Variants in NFE2L2 observed in about 807,000 individuals in gnomAD.
The protein encoded by NFE2L2 is NFE2 like bZIP transcription factor 2, also known as nuclear factor erythroid 2-related factor 2.
In NFE2L2, 20 loss-of-function variants were observed where a neutral mutation model predicts 49.6. The observed-to-expected ratio is 0.40, with a 90% CI of 0.28 to 0.59. The LOEUF (loss-of-function observed/expected upper bound fraction) is 0.59, where lower values mean the gene tolerates loss of function less well. NFE2L2 is among the 20% of genes least tolerant of loss of function. The probability of loss-of-function intolerance (pLI) is 0.40; values close to 1 mark genes in which losing one functional copy is unlikely to be tolerated. For missense variants in NFE2L2, 578 were observed against 714.2 expected (o/e 0.81, Z 2.17); for synonymous variants, 244 against 256.5 (o/e 0.95, Z 0.47).
intron 1 of NFE2L2, among the ~76,000 whole-genome samples, chr2:177,262,362 A>G (rs1468749729): frequency 6.6e-6 from 1 of 152,210 alleles, no homozygotes; most frequent in African/African-American, 2.4e-5. Flanking sequence ...CTTCCACCTA[A>G]TGGAGATACT....
At chr2:177,249,249 A>C (rs1477432465) in intron 1 of NFE2L2, among the ~76,000 whole-genome samples, 13 of 151,358 alleles carry the variant, frequency 8.6e-5, no homozygotes, top group Non-Finnish European at 5.9e-5. Context: ...TAAATAAATA[A>C]GGCATTTTCT....
chr2:177,233,829 GGGTACTGAACTCAGGTTA>G (rs1689647376), intron 2 of NFE2L2, 158 bp downstream of exon 2: 4 of 713,652 alleles, frequency 5.6e-6, no homozygotes, highest in Non-Finnish European at 9.1e-6. Context: ...TCAATAGGTT[GGGTACTGAACTCAGGTTA>G]GGTACTGAAC....
intron 1 of NFE2L2, among the ~76,000 whole-genome samples, chr2:177,249,083 G>T (rs1279507397): frequency 3.3e-5 from 5 of 151,980 alleles, no homozygotes; most frequent in Non-Finnish European, 7.4e-5. Context: ...AGCCAGGCGT[G>T]GTGGCGCGTA....
intron 1 of NFE2L2, among the ~76,000 whole-genome samples, chr2:177,251,822 G>A (rs1416213234): frequency 2.0e-5 from 3 of 151,620 alleles, no homozygotes; most frequent in Non-Finnish European, 4.4e-5. Context: ...TGGCTAACAC[G>A]GTGAAACTCC....
intron 1 of NFE2L2, among the ~76,000 whole-genome samples, chr2:177,257,566 A>T (rs759596057): frequency 1.1e-4 from 17 of 152,208 alleles, no homozygotes; most frequent in Non-Finnish European, 2.2e-4. Flanking sequence ...TGATTTAAAT[A>T]AGACATCCTA....
At chr2:177,239,689 A>ATG (rs1689877268) in intron 1 of NFE2L2, among the ~76,000 whole-genome samples, 1 of 152,138 alleles carries the variant, frequency 6.6e-6, no homozygotes, top group South Asian at 2.1e-4. Flanking sequence ...AAAAAAGTTT[A>ATG]TGTAATGTTT....
At chr2:177,243,338 T>C (rs1364169191) in intron 1 of NFE2L2, among the ~76,000 whole-genome samples, 1 of 152,162 alleles carries the variant, frequency 6.6e-6, no homozygotes, top group African/African-American at 2.4e-5. Flanking sequence ...TGGTGTACCC[T>C]CATCCTCCAA....
intron 1 of NFE2L2, among the ~76,000 whole-genome samples, chr2:177,241,878 T>G (rs1689949614): frequency 6.6e-6 from 1 of 152,250 alleles, no homozygotes; most frequent in East Asian, 1.9e-4. Flanking sequence ...AACAGAGATC[T>G]CCTTCATTTA....
intron 1 of NFE2L2, among the ~76,000 whole-genome samples, chr2:177,258,426 T>G (rs1690609941): frequency 6.6e-6 from 1 of 152,124 alleles, no homozygotes; most frequent in Non-Finnish European, 1.5e-5. Flanking sequence ...ACTGAGTAGT[T>G]ACCAGGGGCC....
chr2:177,239,932 C>T (rs998445005), intron 1 of NFE2L2, among the ~76,000 whole-genome samples: 1 of 120,984 alleles, frequency 8.3e-6, no homozygotes, highest in African/African-American at 3.2e-5. Flanking sequence ...CTGTATGAAA[C>T]ATTCAAAGCT....
intron 1 of NFE2L2, among the ~76,000 whole-genome samples, chr2:177,259,369 G>C (rs907678793): frequency 6.6e-6 from 1 of 152,030 alleles, no homozygotes; most frequent in Non-Finnish European, 1.5e-5. Flanking sequence ...ACTAGTACCA[G>C]CAGTTTGGAC....
rs562972275 is a variant in NFE2L2 at position 177,258,472 on chromosome 2, TG to T, written c.45+6059del. 4.2e-3 allele frequency among the ~76,000 whole-genome samples: 646 copies of T among 152,290 alleles called. 6 individuals are homozygous for T. The highest frequency in any genetic ancestry group is 0.015 in the African/African-American group (617 of 41,568). On this transcript the variant is annotated intron_variant, in intron 1 of 4. Transcript: ENST00000397062. ...AGGGGAAATGGGAAGTGACTGCTAATGGATATGGGGTTTCTTTTGAGGGTGT... is the reference window on the plus strand; with the variant it reads ...AGGGGAAATGGGAAGTGACTGCTAATGATATGGGGTTTCTTTTGAGGGTGT...
chr2:177,260,163 A>G (rs1245012370), intron 1 of NFE2L2, among the ~76,000 whole-genome samples: 2 of 152,236 alleles, frequency 1.3e-5, no homozygotes, highest in African/African-American at 2.4e-5. Context: ...AATAAACTCT[A>G]TTCTCTATTT....
chr2:177,258,670 A>C (rs548779232), intron 1 of NFE2L2, among the ~76,000 whole-genome samples: 62 of 152,338 alleles, frequency 4.1e-4, no homozygotes, highest in African/African-American at 1.3e-3. Context: ...GGAAAAAAAA[A>C]CAGATACATA....
At chr2:177,242,332 C>T (rs1370913398) in intron 1 of NFE2L2, among the ~76,000 whole-genome samples, 2 of 152,164 alleles carry the variant, frequency 1.3e-5, no homozygotes, top group African/African-American at 4.8e-5. Context: ...TCAGCAGAGA[C>T]ATTTAAGAGG....
chr2:177,242,112 G>A (rs749277961), intron 1 of NFE2L2, among the ~76,000 whole-genome samples: 1 of 152,074 alleles, frequency 6.6e-6, no homozygotes, highest in Non-Finnish European at 1.5e-5. Context: ...CCACATTCCA[G>A]TACTTTTGGT....
At chr2:177,245,034 C>T (rs1262135804) in intron 1 of NFE2L2, among the ~76,000 whole-genome samples, 1 of 140,538 alleles carries the variant, frequency 7.1e-6, no homozygotes, top group Non-Finnish European at 1.5e-5. Flanking sequence ...AAAGTAAATA[C>T]ATCTCCATTC....
intron 1 of NFE2L2, among the ~76,000 whole-genome samples, chr2:177,258,966 G>T (rs1234922040): frequency 2.6e-5 from 4 of 152,196 alleles, no homozygotes. Context: ...ACAGGCTGTT[G>T]ATGGACTGTA....
chr2:177,237,738 C>T (rs1273892065), intron 1 of NFE2L2, among the ~76,000 whole-genome samples: 3 of 152,166 alleles, frequency 2.0e-5, no homozygotes, highest in East Asian at 1.9e-4. Context: ...AGGCTGGTCT[C>T]GAACCCCTGA....
Sources: gnomAD v4.1 joint callset for allele counts (sites outside exome capture counted in the v4.1 genomes callset) on GRCh38, gnomAD v4.1.1 for gene constraint, MANE v1.5 for transcripts, NCBI Gene and HGNC (gene_info 2026-07-23, HGNC 2026-07-21) for gene names.